Variants in ACTR10 observed in about 807,000 individuals in gnomAD.
ACTR10 encodes actin related protein 10.
ACTR10 carries 43 observed loss-of-function variants against 56.2 expected under a neutral mutation model. The observed-to-expected ratio is 0.77, with a 90% CI of 0.60 to 0.99. The LOEUF (loss-of-function observed/expected upper bound fraction) is 0.99. Ranked by LOEUF, ACTR10 falls within the 50% of genes least tolerant of loss-of-function variation. The pLI is 0.00. For missense variants in ACTR10, 466 were observed against 507.8 expected (o/e 0.92, Z 0.79); for synonymous variants, 170 against 176.3 (o/e 0.96, Z 0.28).
At chr14:58,201,804 A>G (rs1888710065) in intron 1 of ACTR10, among the ~76,000 whole-genome samples, 1 of 152,192 alleles carries the variant, frequency 6.6e-6, no homozygotes, top group African/African-American at 2.4e-5. Flanking sequence ...CCAGTAGTTC[A>G]AGACCAGCCT....
In ACTR10 at chr14:58,200,203, G is replaced by A. The variant is rs1257995528; in HGVS notation, c.-15G>A. 8 of 1,513,642 alleles carry A rather than the reference G, an allele frequency of 5.3e-6. No individual in the cohort carries two copies. Among genetic ancestry groups the A allele is most frequent in the Non-Finnish European group, 7.1e-6 (8 of 1,128,190 alleles). 93.8% of individuals were successfully genotyped at this position (1,513,642 alleles called of 1,614,324 possible). A position where few individuals can be genotyped will look rare whatever the true frequency, so the allele number is the denominator to read the frequency against. On this transcript the variant is annotated 5_prime_UTR_variant, in exon 1 of 13. Transcript: ENST00000254286. ...CGGAGACTGCGACCCTCTTCTCTCA[G>A]TCTGCCTTACTACCATGCCGCTCTA... is the stretch of plus-strand genomic sequence containing the variant.
At chr14:58,225,526 G>A (rs1338364435) in intron 10 of ACTR10, among the ~76,000 whole-genome samples, 2 of 152,084 alleles carry the variant, frequency 1.3e-5, no homozygotes, top group South Asian at 2.1e-4. Flanking sequence ...GTAGGACAGG[G>A]TAGCAAAAGA....
At chr14:58,211,894 C>G (rs529519796) in intron 5 of ACTR10, among the ~76,000 whole-genome samples, 1 of 150,540 alleles carries the variant, frequency 6.6e-6, no homozygotes, top group East Asian at 1.9e-4. Flanking sequence ...GAGCCGAGAT[C>G]ATGCCACTGC....
intron 2 of ACTR10, among the ~76,000 whole-genome samples, chr14:58,205,466 C>T (rs1046521156): frequency 8.6e-5 from 13 of 151,334 alleles, no homozygotes; most frequent in East Asian, 4.1e-4. Context: ...AGTTGCCCGC[C>T]GCCACGCCCA....
intron 12 of ACTR10, 94 bp from the exon 13 acceptor site, chr14:58,234,276 C>T: frequency 1.9e-6 from 2 of 1,067,936 alleles, no homozygotes; most frequent in South Asian, 2.4e-5. Context: ...TTTACCAGTC[C>T]ACTTTTGTCA....
intron 8 of ACTR10, among the ~76,000 whole-genome samples, chr14:58,221,279 C>T (rs1265035883): frequency 3.1e-4 from 24 of 77,960 alleles, no homozygotes; most frequent in African/African-American, 1.1e-3. Flanking sequence ...GAGACTCTGT[C>T]TAAAAAAAAA....
chr14:58,209,277 G>A, intron 4 of ACTR10, 170 bp downstream of exon 4: 1 of 373,218 alleles, frequency 2.7e-6, no homozygotes. Flanking sequence ...ATGGCACACA[G>A]TGTAGTTGGG....
In ACTR10 at chr14:58,230,466, G is replaced by C. The variant is rs764044248; in HGVS notation, c.856G>C (p.Asp286His). The C allele has an allele frequency of 5.7e-6, 9 of 1,585,342 alleles. No homozygotes were observed. Among genetic ancestry groups the C allele is most frequent in the Non-Finnish European group, 7.7e-6 (9 of 1,165,240 alleles). ...EEQSVATLIL[D>H]SLIQCPIDTR... Reference sequence around the variant, plus strand: ...GCAATCAGTTGCCACTTTAATATTGGATTCCCTTATACAGGTATTTTATCT... The same window carrying C: ...GCAATCAGTTGCCACTTTAATATTGCATTCCCTTATACAGGTATTTTATCT... Residue 286 changes from aspartate to histidine, a missense_variant, in exon 11 of 13, where the codon GAT (aspartate) becomes CAT (histidine). Physicochemically the swap from Asp to His is moderately conservative, Grantham distance 81. Coordinates refer to ENST00000254286, the MANE Select transcript of ACTR10 (RefSeq NM_018477.3).
chr14:58,215,973 C>CTTTT (rs754573194), intron 7 of ACTR10, among the ~76,000 whole-genome samples: 6 of 135,746 alleles, frequency 4.4e-5, no homozygotes, highest in Admixed American at 7.6e-5. Flanking sequence ...TTCTTTCTTT[C>CTTTT]TTTTTTTTTT....
chr14:58,201,677 A>G (rs1888706431), intron 1 of ACTR10, among the ~76,000 whole-genome samples: 1 of 152,226 alleles, frequency 6.6e-6, no homozygotes, highest in African/African-American at 2.4e-5. Flanking sequence ...ACAAAAATGG[A>G]AATACCTAAA....
chr14:58,205,936 C>T (rs1392259392), intron 2 of ACTR10, among the ~76,000 whole-genome samples: 2 of 151,758 alleles, frequency 1.3e-5, no homozygotes, highest in South Asian at 2.1e-4. Context: ...GCAGGAGAAT[C>T]GCTTGAATCT....
intron 4 of ACTR10, among the ~76,000 whole-genome samples, chr14:58,209,523 T>C (rs1407513110): frequency 6.6e-6 from 1 of 152,226 alleles, no homozygotes; most frequent in Non-Finnish European, 1.5e-5. Context: ...CTAGCTTCCA[T>C]TGTTTAGTTG....
Position 58,207,996 on chromosome 14 carries a change from T to C in ACTR10, c.211T>C (p.Phe71Leu). Residue 71 changes from phenylalanine (F) to leucine (L), a missense_variant, in exon 3 of 13, where the codon TTC becomes CTC. Physicochemically the swap from Phe to Leu is conservative, Grantham distance 22. Coordinates refer to ENST00000254286, the MANE Select transcript of ACTR10 (RefSeq NM_018477.3). Reference sequence around the variant, plus strand: ...AGAATTATATTCCTACCTAAAGGAATTCATCCACATACTATATTTCAGGTA... The same window carrying C: ...AGAATTATATTCCTACCTAAAGGAACTCATCCACATACTATATTTCAGGTA... The part of the protein sequence containing the change: ...TEELYSYLKE[F>L]IHILYFRHLL... 1 of 1,510,806 alleles carries C rather than the reference T, an allele frequency of 6.6e-7. No homozygotes were observed. The highest frequency in any genetic ancestry group is 8.8e-7 in the Non-Finnish European group (1 of 1,137,878). The allele number at this position is 1,510,806 out of a possible 1,614,324, so 93.6% of individuals were successfully genotyped here.
rs376715342 is a variant in ACTR10 at position 58,230,350 on chromosome 14, T to A, written c.789-49T>A. 4.6e-5 allele frequency: 49 copies of A among 1,071,840 alleles called. No homozygotes were observed. The African/African-American group carries it at 6.9e-4, about 15-fold the overall frequency. The allele number at this position is 1,071,840 out of a possible 1,614,324, so 66.4% of individuals were successfully genotyped here. ...AAATAATGGTGTATTCTGTGTAATA[T>A]TATAATACGTGACACCAACAGAAAG... On this transcript the variant is annotated intron_variant, in intron 10 of 12. Transcript: ENST00000254286.
intron 10 of ACTR10, among the ~76,000 whole-genome samples, chr14:58,228,458 A>G (rs1204813367): frequency 6.6e-6 from 1 of 152,050 alleles, no homozygotes; most frequent in African/African-American, 2.4e-5. Context: ...GTCTCTACTG[A>G]AAATATACAA....
chr14:58,225,775 C>G (rs1200913145), intron 10 of ACTR10, among the ~76,000 whole-genome samples: 1 of 151,208 alleles, frequency 6.6e-6, no homozygotes, highest in Non-Finnish European at 1.5e-5. Flanking sequence ...TGCACTGGCG[C>G]GGTCTCGGCT....
At chr14:58,209,229 T>A in intron 4 of ACTR10, 122 bp downstream of exon 4, 1 of 622,490 alleles carries the variant, frequency 1.6e-6, no homozygotes, top group Non-Finnish European at 2.7e-6. Context: ...ACTCAAAACT[T>A]AAACTAATAA....
intron 6 of ACTR10, 46 bp downstream of exon 6, chr14:58,213,744 A>G (rs772252734): frequency 1.7e-5 from 25 of 1,457,328 alleles, no homozygotes; most frequent in Non-Finnish European, 2.4e-5. Context: ...TGTGCCACAA[A>G]AACAGTTGCT....
chr14:58,221,133 A>G (rs182939301), intron 8 of ACTR10, among the ~76,000 whole-genome samples: 5 of 152,058 alleles, frequency 3.3e-5, no homozygotes, highest in Admixed American at 2.0e-4. Context: ...AAGTACAAAA[A>G]TTAGCTGGGC....
Sources: gnomAD v4.1 joint callset for allele counts (sites outside exome capture counted in the v4.1 genomes callset) on GRCh38, gnomAD v4.1.1 for gene constraint, MANE v1.5 for transcripts, NCBI Gene and HGNC (gene_info 2026-07-23, HGNC 2026-07-21) for gene names.